Variants in DCAF13 observed in about 807,000 individuals in gnomAD.
DCAF13 encodes DDB1- and CUL4-associated factor 13.
A neutral mutation model predicts 59.0 loss-of-function variants in DCAF13; 38 were observed. That is an observed-to-expected ratio of 0.64 (90% CI 0.50 to 0.84). The LOEUF is 0.84. Among genes scored for constraint, DCAF13 ranks in the 40% least tolerant of loss-of-function variants. The pLI, the probability that DCAF13 is intolerant of heterozygous loss-of-function variation, is 0.00. For missense variants in DCAF13, 469 were observed against 558.4 expected (o/e 0.84, Z 1.61); for synonymous variants, 173 against 175.0 (o/e 0.99, Z 0.09).
chr8:103,427,247 A>G lies in DCAF13; in HGVS notation c.619A>G (p.Ile207Val), dbSNP rs778698939. 8.7e-6 allele frequency: 14 copies of G among 1,610,510 alleles called. No homozygotes were observed. In the Middle Eastern group the frequency reaches 1.2e-3, roughly 133 times the overall value. The change falls in exon 5 of 11, where the codon ATT becomes GTT. Residue 207 changes from isoleucine to valine, a missense_variant. By Grantham distance (29) the Ile-to-Val change is conservative. Around this residue, in one of 3 missense-constraint regions of DCAF13, gnomAD observed 355 missense variants for 399.1 expected, o/e 0.89. Transcript: ENST00000612750. ...DSISSVKFNP[I>V]ETFLLGSCAS... ...TATAAGTAGTGTTAAATTTAACCCAATTGAGGTAATGTTTTTTTTTAAGTA... is the reference window on the plus strand; with the variant it reads ...TATAAGTAGTGTTAAATTTAACCCAGTTGAGGTAATGTTTTTTTTTAAGTA...
chr8:103,441,786 T>C, intron 10 of DCAF13, 168 bp downstream of exon 10: 1 of 645,992 alleles, frequency 1.5e-6, no homozygotes, highest in Non-Finnish European at 2.5e-6. Flanking sequence ...TTTTTCTTTT[T>C]TTTTTTTTTG....
intron 3 of DCAF13, among the ~76,000 whole-genome samples, chr8:103,423,230 T>A (rs1673700785): frequency 6.6e-6 from 1 of 152,102 alleles, no homozygotes; most frequent in Non-Finnish European, 1.5e-5. Context: ...TATTTTTTTT[T>A]AATGCTTAAA....
At chr8:103,428,256 A>G (rs1451618840) in intron 5 of DCAF13, 1 of 152,212 alleles carries the variant, frequency 6.6e-6, no homozygotes, top group Admixed American at 6.5e-5. Flanking sequence ...GCTCACACAC[A>G]CACTTTCTAG....
At chr8:103,439,167 G>C (rs1020551613) in intron 8 of DCAF13, among the ~76,000 whole-genome samples, 4 of 151,788 alleles carry the variant, frequency 2.6e-5, no homozygotes, top group African/African-American at 9.7e-5. Context: ...ACCATGCCTG[G>C]CTAATTTTTT....
chr8:103,415,400 A>C lies in DCAF13; in HGVS notation c.-47A>C, dbSNP rs1277716629. ...TGTGGGAGGAGGTGGCGGTGGGCGG[A>C]ACTCCTAGCGGACACCTCGTGGAGT... On this transcript the variant is annotated 5_prime_UTR_variant, in exon 1 of 11. Transcript: ENST00000612750. 1 of 1,614,048 alleles carries C rather than the reference A, an allele frequency of 6.2e-7. No individual in the cohort carries two copies. The highest frequency in any genetic ancestry group is 1.6e-4 in the Middle Eastern group (1 of 6,062).
intron 1 of DCAF13, among the ~76,000 whole-genome samples, chr8:103,417,200 C>T (rs1220686884): frequency 2.6e-5 from 4 of 152,172 alleles, no homozygotes; most frequent in African/African-American, 4.8e-5. Flanking sequence ...TTCCAGTATG[C>T]AACCCGTCCC....
chr8:103,420,234 AATT>A (rs1316975447), intron 1 of DCAF13, 27 bp from the exon 2 acceptor site: 1 of 1,592,984 alleles, frequency 6.3e-7, no homozygotes, highest in Non-Finnish European at 8.6e-7. Flanking sequence ...ATTAAGTGTG[AATT>A]ATTAAGAAGG....
intron 5 of DCAF13, 66 bp downstream of exon 5, chr8:103,427,318 C>T: frequency 7.1e-7 from 1 of 1,402,116 alleles, no homozygotes; most frequent in South Asian, 1.3e-5. Context: ...GTTTAGAAAA[C>T]TTTTGAATGT....
At chr8:103,441,417 C>G in intron 9 of DCAF13, 38 bp from the exon 10 acceptor site, 1 of 1,542,032 alleles carries the variant, frequency 6.5e-7, no homozygotes. Flanking sequence ...AGCAAAACAA[C>G]ACACTATTCA....
intron 8 of DCAF13, 40 bp downstream of exon 8, chr8:103,435,830 C>T: frequency 6.3e-7 from 1 of 1,591,974 alleles, no homozygotes; most frequent in Non-Finnish European, 8.6e-7. Context: ...TCATATGTCA[C>T]TTAACAATGG....
intron 1 of DCAF13, among the ~76,000 whole-genome samples, chr8:103,416,971 A>G (rs530072781): frequency 6.6e-6 from 1 of 152,352 alleles, no homozygotes; most frequent in South Asian, 2.1e-4. Context: ...TTCAAAAATA[A>G]TCTTTGCAAA....
rs1816595018 is a variant in DCAF13 at position 103,415,476 on chromosome 8, G to A, written c.30G>A (p.Pro10=). The part of the protein sequence containing the change: MKVKMLSRN[P]DNYVRETKLD... ...AGGTGAAGATGCTGAGCCGGAATCC[G>A]GACAATTATGTCCGCGAAACCAAGT... is the stretch of plus-strand genomic sequence containing the variant. The change falls in exon 1 of 11, where the codon CCG becomes CCA. Residue 10 remains proline, a synonymous_variant. Transcript: ENST00000612750. 1.2e-6 allele frequency: 2 copies of A among 1,613,272 alleles called. No individual in the cohort carries two copies. Among genetic ancestry groups the A allele is most frequent in the South Asian group, 1.1e-5 (1 of 91,048 alleles).
intron 3 of DCAF13, among the ~76,000 whole-genome samples, chr8:103,421,623 A>G (rs1586126886): frequency 6.6e-6 from 1 of 152,178 alleles, no homozygotes; most frequent in Non-Finnish European, 1.5e-5. Flanking sequence ...CCTGGTAACT[A>G]CTATTTTACT....
chr8:103,442,378 A>C (rs181948989), intron 10 of DCAF13: 144 of 153,510 alleles, frequency 9.4e-4, no homozygotes, highest in Non-Finnish European at 1.8e-3. Flanking sequence ...ATCATTTTGG[A>C]TATAGAGCAG....
At chr8:103,421,797 A>G (rs1331890172) in intron 3 of DCAF13, among the ~76,000 whole-genome samples, 2 of 152,188 alleles carry the variant, frequency 1.3e-5, no homozygotes, top group Non-Finnish European at 2.9e-5. Flanking sequence ...ACATGTCAGA[A>G]TTTCCTTTCT....
intron 1 of DCAF13, among the ~76,000 whole-genome samples, chr8:103,419,985 G>A (rs371140183): frequency 1.1e-4 from 16 of 149,284 alleles, no homozygotes; most frequent in African/African-American, 3.7e-4. Context: ...CTCCAGCCTG[G>A]TGACGGAGCA....
At position 103,440,235 on chromosome 8, in the gene DCAF13, C is replaced by T; in HGVS notation, c.1050C>T (p.Arg350=). ...GTGGATCTGATGAAATGAACATTCGCCTGTGGAAAGCTAATGCTTCTGAAA... is the reference window on the plus strand; with the variant it reads ...GTGGATCTGATGAAATGAACATTCGTCTGTGGAAAGCTAATGCTTCTGAAA... The part of the protein sequence containing the change: ...IMCGSDEMNI[R]LWKANASEKL... Residue 350 remains arginine, a synonymous_variant, in exon 9 of 11, where the codon CGC becomes CGT. Transcript: ENST00000612750. The T allele has an allele frequency of 6.3e-7, 1 of 1,594,298 alleles. No individual in the cohort carries two copies. Among genetic ancestry groups the T allele is most frequent in the Non-Finnish European group, 8.5e-7 (1 of 1,171,418 alleles).
At chr8:103,432,171 GGTCCCTGAGT>G (rs1816873893) in intron 6 of DCAF13, among the ~76,000 whole-genome samples, 1 of 152,160 alleles carries the variant, frequency 6.6e-6, no homozygotes. Flanking sequence ...TGTAGTGGGA[GGTCCCTGAGT>G]GGCAAAACAT....
At chr8:103,431,657 A>G (rs1326116713) in intron 6 of DCAF13, among the ~76,000 whole-genome samples, 1 of 152,204 alleles carries the variant, frequency 6.6e-6, no homozygotes, top group Non-Finnish European at 1.5e-5. Flanking sequence ...TGGTGGTATT[A>G]ATAACTATCT....
Sources: gnomAD v4.1 joint callset for allele counts (sites outside exome capture counted in the v4.1 genomes callset) on GRCh38, gnomAD v4.1.1 for gene constraint, gnomAD v4.1.1 regional missense constraint, MANE v1.5 for transcripts, NCBI Gene and HGNC (gene_info 2026-07-23, HGNC 2026-07-21) for gene names.